The following COL22A1 variants were observed in gnomAD, a reference collection of about 807,000 sequenced individuals.
COL22A1 encodes the protein collagen alpha-1(XXII) chain.
Under a neutral mutation model 248.9 loss-of-function variants are expected in COL22A1, and 221 were observed. That is an observed-to-expected ratio of 0.89 (90% CI 0.80 to 0.99). The LOEUF is 0.99. Ranked by LOEUF, COL22A1 falls within the 50% of genes least tolerant of loss-of-function variation. The pLI is 0.00. For synonymous variants in COL22A1, 891 were observed against 793.4 expected (o/e 1.12, Z -2.07); for missense variants, 2,240 against 2,179.0 (o/e 1.03, Z -0.56).
chr8:138,720,202 A>G (rs1258985547), intron 27 of COL22A1, among the ~76,000 whole-genome samples: 1 of 151,912 alleles, frequency 6.6e-6, no homozygotes, highest in Non-Finnish European at 1.5e-5. Flanking sequence ...CTCACCACCC[A>G]CTGGAAGCTG....
At chr8:138,757,468 CA>C (rs2131372916) in intron 18 of COL22A1, among the ~76,000 whole-genome samples, 1 of 72,448 alleles carries the variant, frequency 1.4e-5, no homozygotes, top group Non-Finnish European at 3.1e-5. Context: ...TATTATATTA[CA>C]CCACAAAAGT....
chr8:138,913,838 G>A lies in COL22A1; in HGVS notation c.-292C>T, dbSNP rs1648005360. 1 of 152,420 alleles carries A rather than the reference G, an allele frequency of 6.6e-6. No individual in the cohort carries two copies. The highest frequency in any genetic ancestry group is 1.5e-5 in the Non-Finnish European group (1 of 68,202). The allele number at this position is 152,420 out of a possible 1,614,324, so 9.4% of individuals were successfully genotyped here. Reference sequence around the variant, plus strand: ...TTTCCCCAGGCCAGGGGGCCAGAGAGGGAACCAGCTTGAAAACAAGTAACT... The same window carrying A: ...TTTCCCCAGGCCAGGGGGCCAGAGAAGGAACCAGCTTGAAAACAAGTAACT... On this transcript the variant is annotated 5_prime_UTR_variant, in exon 1 of 65. Transcript: ENST00000303045.
At chr8:138,737,839 A>G (rs1445576422) in intron 22 of COL22A1, among the ~76,000 whole-genome samples, 1 of 152,040 alleles carries the variant, frequency 6.6e-6, no homozygotes, top group African/African-American at 2.4e-5. Context: ...TGTTCAAAAG[A>G]TACAGAAAGG....
At position 138,717,496 on chromosome 8, in the gene COL22A1, C is replaced by A. The variant is rs777965151; in HGVS notation, c.2356-627G>T. ...TTTAGTTTTTTTAGAGACAGGGTCT[C>A]ACTCTGTCACCCAGGCTAGTACAGT... On this transcript the variant is annotated intron_variant, in intron 27 of 64. Coordinates refer to ENST00000303045, the MANE Select transcript of COL22A1 (RefSeq NM_152888.3). Among the ~76,000 whole-genome samples the A allele has an allele frequency of 3.4e-4, 52 of 152,222 alleles. No individual in the cohort carries two copies. The Middle Eastern group carries it at 0.02, about 60-fold the overall frequency.
chr8:138,702,413 A>G (rs1201789461), intron 31 of COL22A1, among the ~76,000 whole-genome samples: 1 of 152,164 alleles, frequency 6.6e-6, no homozygotes, highest in African/African-American at 2.4e-5. Flanking sequence ...GCACAGAGTA[A>G]GATTCTTTGC....
chr8:138,747,840 G>A lies in COL22A1; in HGVS notation c.2085+3618C>T, dbSNP rs185612667. 1.3e-3 allele frequency among the ~76,000 whole-genome samples: 194 copies of A among 152,166 alleles called. 1 individual carries two copies. The highest frequency in any genetic ancestry group is 4.3e-3 in the African/African-American group (178 of 41,502). ...AGAAAAGGGGCAGGAGGGAATAAAA[G>A]CAAGTAAAAGAAAAATAGGAAAAAA... is the stretch of plus-strand genomic sequence containing the variant. On this transcript the variant is annotated intron_variant, in intron 22 of 64. Transcript: ENST00000303045.
intron 49 of COL22A1, among the ~76,000 whole-genome samples, chr8:138,632,411 G>A (rs140824173): frequency 4.9e-4 from 74 of 152,254 alleles, no homozygotes; most frequent in Non-Finnish European, 9.3e-4. Flanking sequence ...AAATGCTAAG[G>A]GCTGTCCAAT....
intron 8 of COL22A1, 147 bp from the exon 9 acceptor site, chr8:138,812,068 G>T: frequency 9.9e-7 from 1 of 1,014,960 alleles, no homozygotes; most frequent in Non-Finnish European, 1.4e-6. Flanking sequence ...CCTTGGGGCA[G>T]AAAGCCTGGC....
chr8:138,638,971 C>T (rs1322423924), intron 47 of COL22A1, among the ~76,000 whole-genome samples: 3 of 152,138 alleles, frequency 2.0e-5, no homozygotes, highest in East Asian at 3.9e-4. Flanking sequence ...AACACACCCA[C>T]CCCCAAGCCT....
intron 30 of COL22A1, among the ~76,000 whole-genome samples, chr8:138,709,420 A>C (rs1222510925): frequency 1.3e-5 from 2 of 152,154 alleles, no homozygotes; most frequent in African/African-American, 4.8e-5. Flanking sequence ...TGGATTAAGA[A>C]AATGTGGCAC....
chr8:138,838,818 G>T (rs9692908), intron 4 of COL22A1, among the ~76,000 whole-genome samples: 1 of 151,962 alleles, frequency 6.6e-6, no homozygotes, highest in Non-Finnish European at 1.5e-5. Flanking sequence ...GGAGCACCTC[G>T]CTGAAGCCAG....
chr8:138,596,866 T>A, intron 62 of COL22A1, 38 bp downstream of exon 62: 1 of 1,585,812 alleles, frequency 6.3e-7, no homozygotes, highest in Non-Finnish European at 8.6e-7. Flanking sequence ...CTTCCTGGGC[T>A]CTTCTCTGCA....
chr8:138,804,296 C>T (rs1013280387), intron 10 of COL22A1, among the ~76,000 whole-genome samples: 3 of 152,146 alleles, frequency 2.0e-5, no homozygotes, highest in East Asian at 1.9e-4. Flanking sequence ...GACAATGTGA[C>T]GGATGACACT....
chr8:138,663,300 G>A (rs545040550), intron 42 of COL22A1, among the ~76,000 whole-genome samples: 1 of 152,158 alleles, frequency 6.6e-6, no homozygotes, highest in Non-Finnish European at 1.5e-5. Flanking sequence ...AGTGGCTCCC[G>A]GGTCTTGCTC....
chr8:138,810,707 C>G (rs1263848061), intron 9 of COL22A1, among the ~76,000 whole-genome samples: 1 of 152,216 alleles, frequency 6.6e-6, no homozygotes, highest in East Asian at 1.9e-4. Context: ...CTGGGTAGCA[C>G]AAAAAGAAGG....
At chr8:138,715,621 TCCTTTAGAAAAA>T in intron 30 of COL22A1, 49 bp downstream of exon 30, 1 of 1,159,848 alleles carries the variant, frequency 8.6e-7, no homozygotes, top group Non-Finnish European at 1.3e-6. Context: ...GAAAATCTCT[TCCTTTAGAAAAA>T]CCCAACTAAT....
At chr8:138,846,111 C>T (rs1010169032) in intron 3 of COL22A1, among the ~76,000 whole-genome samples, 2 of 152,122 alleles carry the variant, frequency 1.3e-5, no homozygotes, top group African/African-American at 4.8e-5. Flanking sequence ...GAAACAGTAC[C>T]AAGCTGTCTG....
chr8:138,850,483 A>G (rs1352424235), intron 3 of COL22A1, among the ~76,000 whole-genome samples: 2 of 152,150 alleles, frequency 1.3e-5, no homozygotes, highest in African/African-American at 4.8e-5. Flanking sequence ...TAACTCAGAA[A>G]GATGCGGCAC....
chr8:138,710,604 T>TAG (rs1554597127), intron 30 of COL22A1, among the ~76,000 whole-genome samples: 192 of 61,062 alleles, frequency 3.1e-3, no homozygotes, highest in Non-Finnish European at 5.3e-3. Flanking sequence ...TCTATCTATC[T>TAG]ATCTATATAT....
Sources: allele counts gnomAD v4.1 joint callset (sites outside exome capture counted in the v4.1 genomes callset), GRCh38; gene constraint gnomAD v4.1.1; transcripts MANE v1.5; gene names NCBI Gene and HGNC (gene_info 2026-07-23, HGNC 2026-07-21).